RB1: variants seen among roughly 807,000 people sequenced by gnomAD.
RB1 encodes the protein RB transcriptional corepressor 1, also known as retinoblastoma-associated protein.
RB1 carries 18 observed loss-of-function variants against 135.4 expected under a neutral mutation model. That is an observed-to-expected ratio of 0.13 (90% CI 0.09 to 0.20). The LOEUF is 0.20. RB1 is among the 10% of genes least tolerant of loss of function. The probability of loss-of-function intolerance (pLI) is 1.00; values close to 1 mark genes in which losing one functional copy is unlikely to be tolerated. For missense variants in RB1, 868 were observed against 1,110.0 expected (o/e 0.78, Z 3.10); for synonymous variants, 365 against 373.2 (o/e 0.98, Z 0.25).
rs920699605 is a variant in RB1 at position 48,328,142 on chromosome 13, G to C, written c.265-14457G>C. 4.7e-6 allele frequency: 6 copies of C among 1,278,546 alleles called. No individual in the cohort carries two copies. In the African/African-American group the frequency reaches 8.8e-5, roughly 19 times the overall value. 79.2% of individuals were successfully genotyped at this position (1,278,546 alleles called of 1,614,324 possible). ...TTATATTCCACTCCCATAGCTTCTGGTTATCAGAAAACCCATGCTTTCCTT... is the reference window on the plus strand; with the variant it reads ...TTATATTCCACTCCCATAGCTTCTGCTTATCAGAAAACCCATGCTTTCCTT... On this transcript the variant is annotated intron_variant, in intron 2 of 26. Coordinates refer to ENST00000267163, the MANE Select transcript of RB1 (RefSeq NM_000321.3).
intron 18 of RB1, among the ~76,000 whole-genome samples, 172 bp downstream of exon 18, chr13:48,453,283 A>AAGAGT (rs376847682): frequency 1.2e-3 from 182 of 152,322 alleles, no homozygotes; most frequent in African/African-American, 4.0e-3. Flanking sequence ...AGTCATATAA[A>AAGAGT]AGAGTACAGA....
At chr13:48,407,265 T>G (rs1420430912) in intron 17 of RB1, among the ~76,000 whole-genome samples, 1 of 152,254 alleles carries the variant, frequency 6.6e-6, no homozygotes, top group Admixed American at 6.5e-5. Flanking sequence ...GGGCTCTATC[T>G]TTTGAATTCT....
intron 4 of RB1, among the ~76,000 whole-genome samples, chr13:48,346,016 G>C (rs145398621): frequency 2.1e-4 from 31 of 149,162 alleles, no homozygotes; most frequent in Admixed American, 6.7e-4. Context: ...AAAAATTAGA[G>C]AAAAAACTCA....
intron 17 of RB1, among the ~76,000 whole-genome samples, chr13:48,440,133 A>G (rs182892782): frequency 6.6e-6 from 1 of 152,238 alleles, no homozygotes; most frequent in East Asian, 1.9e-4. Flanking sequence ...TTGGGAGTAA[A>G]AGGGAAACCT....
intron 17 of RB1, among the ~76,000 whole-genome samples, chr13:48,386,644 A>G (rs939612756): frequency 1.1e-4 from 16 of 152,206 alleles, no homozygotes; most frequent in African/African-American, 3.9e-4. Flanking sequence ...AACTGACAGT[A>G]AAGGTTGCCA....
At chr13:48,477,311 T>C (rs557831535) in intron 25 of RB1, 44 bp from the exon 26 acceptor site, 2 of 1,477,376 alleles carry the variant, frequency 1.4e-6, no homozygotes, top group Non-Finnish European at 1.9e-6. Flanking sequence ...GAGTTTTCCA[T>C]TTATAAATAC....
chr13:48,440,790 A>T (rs1485011562), intron 17 of RB1, among the ~76,000 whole-genome samples: 11 of 152,218 alleles, frequency 7.2e-5, no homozygotes, highest in Admixed American at 7.2e-4. Flanking sequence ...TAATGTATTC[A>T]TAATAAATAG....
chr13:48,396,568 A>G (rs889458160), intron 17 of RB1, among the ~76,000 whole-genome samples: 1 of 152,230 alleles, frequency 6.6e-6, no homozygotes, highest in Admixed American at 6.5e-5. Flanking sequence ...AGGCAATACC[A>G]TTCAGGACAT....
At chr13:48,399,540 A>G (rs1948674736) in intron 17 of RB1, among the ~76,000 whole-genome samples, 1 of 152,056 alleles carries the variant, frequency 6.6e-6, no homozygotes, top group Admixed American at 6.6e-5. Flanking sequence ...ATCTAGGAAT[A>G]TAAGCTCAAT....
intron 17 of RB1, among the ~76,000 whole-genome samples, chr13:48,418,759 C>G (rs1269298441): frequency 6.7e-6 from 1 of 149,654 alleles, no homozygotes; most frequent in African/African-American, 2.5e-5. Context: ...ATAAAACAGA[C>G]TTTAAACCAA....
intron 2 of RB1, among the ~76,000 whole-genome samples, chr13:48,339,706 G>A (rs1952425389): frequency 6.6e-6 from 1 of 152,190 alleles, no homozygotes; most frequent in Non-Finnish European, 1.5e-5. Flanking sequence ...ACAAGCCCCA[G>A]TGAGATGAAC....
At position 48,458,913 on chromosome 13, in the gene RB1, T is replaced by C. The variant is rs4151591; in HGVS notation, c.1961-775T>C. 7.6e-4 allele frequency among the ~76,000 whole-genome samples: 115 copies of C among 152,310 alleles called. 3 individuals are homozygous for C. The highest frequency in any genetic ancestry group is 6.8e-3 in the Admixed American group (104 of 15,302). On this transcript the variant is annotated intron_variant, in intron 19 of 26. Transcript: ENST00000267163. ...CCATTTTTCAACAGAGTATGTTCCA[T>C]TGGTATTTTATAGAGAAATGTGTGG...
intron 2 of RB1, among the ~76,000 whole-genome samples, chr13:48,334,415 G>T (rs1952365080): frequency 4.6e-5 from 7 of 152,132 alleles, no homozygotes; most frequent in Admixed American, 4.6e-4. Flanking sequence ...AAATCTAGGA[G>T]CAAAAGATAA....
chr13:48,479,491 G>A (rs985391221), intron 26 of RB1, among the ~76,000 whole-genome samples: 2 of 152,152 alleles, frequency 1.3e-5, no homozygotes, highest in African/African-American at 4.8e-5. Context: ...ACATAAAGTA[G>A]AAGTTCTATT....
intron 14 of RB1, 145 bp downstream of exon 14, chr13:48,379,795 A>G: frequency 8.9e-7 from 1 of 1,124,024 alleles, no homozygotes; most frequent in Non-Finnish European, 1.3e-6. Context: ...CCCTGTCTCT[A>G]CTAAAAGTAC....
Position 48,453,063 on chromosome 13 carries a change from C to T in RB1, c.1766C>T (p.Ala589Val), listed in dbSNP as rs779045727. 1.2e-6 allele frequency: 2 copies of T among 1,613,190 alleles called. No homozygotes were observed. The highest frequency in any genetic ancestry group is 2.7e-5 in the African/African-American group (2 of 74,992). ...REGPTDHLES[A>V]CPLNLPLQNN... The stretch of plus-strand genomic sequence containing the variant: ...GGACCAACTGATCACCTTGAATCTG[C>T]TTGTCCTCTTAATCTTCCTCTCCAG... Residue 589 changes from alanine to valine, a missense_variant, in exon 18 of 27, where the codon GCT becomes GTT. Physicochemically the swap from Ala to Val is moderately conservative, Grantham distance 64. Around this residue, in one of 3 missense-constraint regions of RB1, gnomAD observed 641 missense variants for 791.3 expected, o/e 0.81. Transcript: ENST00000267163.
chr13:48,342,460 A>G (rs1046865846), intron 2 of RB1, 139 bp from the exon 3 acceptor site: 2 of 568,546 alleles, frequency 3.5e-6, no homozygotes, highest in African/African-American at 1.9e-5. Flanking sequence ...CATCAGAAGG[A>G]TGTGTTACAA....
chr13:48,337,286 G>A (rs1188135835), intron 2 of RB1, among the ~76,000 whole-genome samples: 2 of 152,158 alleles, frequency 1.3e-5, no homozygotes, highest in South Asian at 2.1e-4. Context: ...GGGTGTTAAA[G>A]TCTCCCATTA....
chr13:48,401,985 A>G (rs1948696264), intron 17 of RB1, among the ~76,000 whole-genome samples: 1 of 152,122 alleles, frequency 6.6e-6, no homozygotes, highest in African/African-American at 2.4e-5. Flanking sequence ...TTAATTGTCT[A>G]AAAGTTTTTA....
Sources: allele counts gnomAD v4.1 joint callset (sites outside exome capture counted in the v4.1 genomes callset), GRCh38; gene constraint gnomAD v4.1.1; regional missense constraint gnomAD v4.1.1; transcripts MANE v1.5; gene names NCBI Gene and HGNC (gene_info 2026-07-23, HGNC 2026-07-21).